Variants in FAM193A observed in about 807,000 individuals in gnomAD.
FAM193A encodes family with sequence similarity 193 member A, also known as protein FAM193A.
A neutral mutation model predicts 126.5 loss-of-function variants in FAM193A; 22 were observed. The observed-to-expected ratio is 0.17, with a 90% CI of 0.12 to 0.25. The LOEUF is 0.25. FAM193A is among the 10% of genes least tolerant of loss of function. The probability of loss-of-function intolerance (pLI) is 1.00; values close to 1 mark genes in which losing one functional copy is unlikely to be tolerated. For missense variants in FAM193A, 1,675 were observed against 1,672.8 expected (o/e 1.00, Z -0.02); for synonymous variants, 761 against 646.8 (o/e 1.18, Z -2.68).
At chr4:2,685,451 G>GTTATT (rs749836768) in intron 13 of FAM193A, among the ~76,000 whole-genome samples, 29 of 152,184 alleles carry the variant, frequency 1.9e-4, no homozygotes, top group Non-Finnish European at 3.2e-4. Flanking sequence ...GTTGCAATAT[G>GTTATT]GGGATCACAT....
At chr4:2,562,420 A>T (rs779044371) in intron 1 of FAM193A, among the ~76,000 whole-genome samples, 18 of 152,148 alleles carry the variant, frequency 1.2e-4, no homozygotes, top group Non-Finnish European at 2.2e-4. Context: ...ACTGCACTAC[A>T]GCATGGTGGC....
At chr4:2,637,208 T>G (rs1217028831) in intron 5 of FAM193A, among the ~76,000 whole-genome samples, 1 of 152,030 alleles carries the variant, frequency 6.6e-6, no homozygotes, top group African/African-American at 2.4e-5. Flanking sequence ...ACACCTGTAG[T>G]CCCAGCCACT....
chr4:2,544,163 T>C (rs1393073440), intron 1 of FAM193A, among the ~76,000 whole-genome samples: 1 of 152,188 alleles, frequency 6.6e-6, no homozygotes, highest in Non-Finnish European at 1.5e-5. Context: ...TTTTAAAAGT[T>C]TAAATGGTTA....
At chr4:2,575,202 A>G (rs1221611624) in intron 1 of FAM193A, among the ~76,000 whole-genome samples, 1 of 152,184 alleles carries the variant, frequency 6.6e-6, no homozygotes, top group East Asian at 1.9e-4. Context: ...GCCCCAAGAA[A>G]GCATAGATCA....
Position 2,703,774 on chromosome 4 carries a change from G to A in FAM193A, c.4372+3230G>A, listed in dbSNP as rs1394382603. Among the ~76,000 whole-genome samples, 4 of 146,234 alleles carry A rather than the reference G, an allele frequency of 2.7e-5. No homozygotes were observed. In the East Asian group the frequency reaches 8.2e-4, roughly 30 times the overall value. On this transcript the variant is annotated intron_variant, in intron 19 of 20. Coordinates refer to ENST00000637812, the MANE Select transcript of FAM193A (RefSeq NM_001366318.2). ...AGGCCGGGAATTTAAGACCAGCCTGGGCAATATAGCAAGACCCCATCTCTA... is the reference window on the plus strand; with the variant it reads ...AGGCCGGGAATTTAAGACCAGCCTGAGCAATATAGCAAGACCCCATCTCTA...
chr4:2,616,754 G>A (rs376135125), intron 2 of FAM193A, among the ~76,000 whole-genome samples: 21 of 151,558 alleles, frequency 1.4e-4, no homozygotes, highest in African/African-American at 4.4e-4. Context: ...TAGTAGAGAC[G>A]GGGTTTCACC....
At chr4:2,708,690 A>G (rs1560598550) in intron 19 of FAM193A, among the ~76,000 whole-genome samples, 1 of 151,928 alleles carries the variant, frequency 6.6e-6, no homozygotes, top group East Asian at 1.9e-4. Flanking sequence ...CTCGAACTCC[A>G]GACCTCAAGT....
chr4:2,650,535 G>C (rs565027122), intron 7 of FAM193A, among the ~76,000 whole-genome samples: 1 of 152,200 alleles, frequency 6.6e-6, no homozygotes, highest in Non-Finnish European at 1.5e-5. Context: ...CTGGCTGGGG[G>C]CAGAGATGGG....
At position 2,672,282 on chromosome 4, in the gene FAM193A, T is replaced by C. The variant is rs768437554; in HGVS notation, c.2241T>C (p.His747=). 49 of 1,614,076 alleles carry C rather than the reference T, an allele frequency of 3.0e-5. No individual in the cohort carries two copies. The Middle Eastern group carries it at 4.9e-4, about 16-fold the overall frequency. Residue 747 remains histidine, a synonymous_variant, in exon 13 of 21, where the codon CAT becomes CAC. Coordinates refer to ENST00000637812, the MANE Select transcript of FAM193A (RefSeq NM_001366318.2). Reference sequence around the variant, plus strand: ...CACTGCACCTTTACCCTCACATCCATGGACATGTGCCTTTGCACACTGTTC... The same window carrying C: ...CACTGCACCTTTACCCTCACATCCACGGACATGTGCCTTTGCACACTGTTC... ...HPALHLYPHI[H]GHVPLHTVPH...
At chr4:2,692,950 C>G (rs1022284738) in intron 15 of FAM193A, among the ~76,000 whole-genome samples, 1 of 152,200 alleles carries the variant, frequency 6.6e-6, no homozygotes, top group South Asian at 2.1e-4. Flanking sequence ...CACCTGTAGT[C>G]CCAGCACTTT....
chr4:2,550,064 T>C (rs1476497665), intron 1 of FAM193A, among the ~76,000 whole-genome samples: 1 of 139,094 alleles, frequency 7.2e-6, no homozygotes, highest in Non-Finnish European at 1.5e-5. Flanking sequence ...TGAGACAGAG[T>C]GTCGCTCTGT....
chr4:2,535,543 C>T (rs905400562), upstream of FAM193A, among the ~76,000 whole-genome samples: 3 of 152,226 alleles, frequency 2.0e-5, no homozygotes, highest in African/African-American at 7.2e-5. Context: ...TAAGCGGGGC[C>T]CTCCAGGGGG....
intron 5 of FAM193A, 124 bp from the exon 6 acceptor site, chr4:2,639,611 C>T (rs1744406885): frequency 8.3e-6 from 5 of 605,200 alleles, no homozygotes; most frequent in South Asian, 3.7e-5. Flanking sequence ...CACTCTGGGC[C>T]TGTGAAGAGG....
upstream of FAM193A, among the ~76,000 whole-genome samples, chr4:2,535,468 C>T (rs1358435659): frequency 6.6e-6 from 1 of 152,196 alleles, no homozygotes; most frequent in Admixed American, 6.5e-5. Flanking sequence ...CGCCGCCTCT[C>T]GGCCTGACAC....
In FAM193A at chr4:2,658,100, C is replaced by T. The variant is rs568335111; in HGVS notation, c.1389+220C>T. Among the ~76,000 whole-genome samples, 5 of 152,118 alleles carry T rather than the reference C, an allele frequency of 3.3e-5. No homozygotes were observed. The South Asian group carries it at 6.2e-4, about 19-fold the overall frequency. Reference sequence around the variant, plus strand: ...TTCCATATACGCCTCAAGAAAAACCCATGTGTATTGAGTGGCCTCTCTATC... The same window carrying T: ...TTCCATATACGCCTCAAGAAAAACCTATGTGTATTGAGTGGCCTCTCTATC... On this transcript the variant is annotated intron_variant, in intron 8 of 20. Transcript: ENST00000637812.
chr4:2,545,882 G>A (rs1737514555), intron 1 of FAM193A, among the ~76,000 whole-genome samples: 1 of 152,136 alleles, frequency 6.6e-6, no homozygotes, highest in African/African-American at 2.4e-5. Flanking sequence ...AGGTGCGGTG[G>A]CTCACGCCTG....
chr4:2,692,562 A>T (rs1482231212), intron 15 of FAM193A, among the ~76,000 whole-genome samples: 1 of 152,186 alleles, frequency 6.6e-6, no homozygotes, highest in African/African-American at 2.4e-5. Context: ...ATTGCCACAA[A>T]CTCAGAAGGA....
chr4:2,542,885 G>C (rs968656079), intron 1 of FAM193A, among the ~76,000 whole-genome samples: 3 of 152,154 alleles, frequency 2.0e-5, no homozygotes, highest in Admixed American at 2.0e-4. Flanking sequence ...CCTTCATCGA[G>C]GTGGCTGCTG....
At chr4:2,541,745 A>G (rs915230192) in intron 1 of FAM193A, among the ~76,000 whole-genome samples, 12 of 151,502 alleles carry the variant, frequency 7.9e-5, no homozygotes, top group African/African-American at 2.4e-4. Context: ...CAGCCTCTCT[A>G]TTGTGTACTA....
Sources: allele counts gnomAD v4.1 joint callset (sites outside exome capture counted in the v4.1 genomes callset), GRCh38; gene constraint gnomAD v4.1.1; transcripts MANE v1.5; gene names NCBI Gene and HGNC (gene_info 2026-07-23, HGNC 2026-07-21).